CEP78: variants seen among roughly 807,000 people sequenced by gnomAD.
The protein encoded by CEP78 is centrosomal protein of 78 kDa.
Under a neutral mutation model 81.2 loss-of-function variants are expected in CEP78, and 76 were observed. The observed-to-expected ratio is 0.94, with a 90% CI of 0.78 to 1.13. The LOEUF (loss-of-function observed/expected upper bound fraction) is 1.13. Ranked by LOEUF, CEP78 falls within the 50% of genes most tolerant of loss-of-function variation. The pLI, the probability that CEP78 is intolerant of heterozygous loss-of-function variation, is 0.00. For missense variants in CEP78, 918 were observed against 846.8 expected (o/e 1.08, Z -1.04); for synonymous variants, 293 against 301.4 (o/e 0.97, Z 0.29).
intron 11 of CEP78, among the ~76,000 whole-genome samples, chr9:78,261,544 C>T (rs904715682): frequency 6.6e-6 from 1 of 152,146 alleles, no homozygotes. Context: ...GCATGAATTA[C>T]TCTTTAAAGG....
intron 9 of CEP78, among the ~76,000 whole-genome samples, chr9:78,252,628 AT>A (rs1262842360): frequency 6.6e-5 from 10 of 152,226 alleles, no homozygotes; most frequent in Admixed American, 6.5e-4. Flanking sequence ...TTATTTTCGA[AT>A]GACTGACTTT....
chr9:78,239,009 A>G (rs1826091871), intron 1 of CEP78, among the ~76,000 whole-genome samples: 1 of 151,948 alleles, frequency 6.6e-6, no homozygotes, highest in Non-Finnish European at 1.5e-5. Context: ...CCTACAAAAA[A>G]TAAAAAAACC....
intron 8 of CEP78, chr9:78,249,075 T>G (rs1320169483): frequency 4.0e-6 from 1 of 250,722 alleles, no homozygotes; most frequent in Non-Finnish European, 7.6e-6. Context: ...GGGATGCTAG[T>G]GCTTCCATTT....
Position 78,266,620 on chromosome 9 carries a change from C to A in CEP78, c.2024C>A (p.Ala675Glu), listed in dbSNP as rs763394651. ...AGAATGTGTTCTCCTTCACCAGATG[C>A]GACTTCTGGAACTGGAAGTCAAAGA... is the stretch of plus-strand genomic sequence containing the variant. ...IARMCSPSPD[A>E]TSGTGSQRKE... Residue 675 changes from alanine (A) to glutamate (E), a missense_variant, in exon 16 of 17, where the codon GCG becomes GAG. Transcript: ENST00000643273. The A allele has an allele frequency of 6.2e-7, 1 of 1,612,720 alleles. No homozygotes were observed.
chr9:78,249,956 G>A (rs946567192), intron 8 of CEP78: 17 of 250,402 alleles, frequency 6.8e-5, no homozygotes, highest in African/African-American at 3.8e-4. Context: ...TCTTTTATTT[G>A]GATGCTACTT....
At chr9:78,256,524 ATTTTT>A (rs35059009) in intron 11 of CEP78, among the ~76,000 whole-genome samples, 2 of 76,684 alleles carry the variant, frequency 2.6e-5, no homozygotes, top group South Asian at 4.8e-4. Flanking sequence ...CTGCTCCCTT[ATTTTT>A]TTTTTTTTTT....
rs997329162 is a variant in CEP78, at chr9:78,266,996, C to T, written c.2107+293C>T. ...AAGAAAGCATCCATTCTCTATCACA[C>T]CTTTCATATGACTAAATCTTTTGAA... On this transcript the variant is annotated intron_variant, in intron 16 of 16. Coordinates refer to ENST00000643273, the MANE Select transcript of CEP78 (RefSeq NM_001330691.3). 10 of 1,368,094 alleles carry T rather than the reference C, an allele frequency of 7.3e-6. No homozygotes were observed. The East Asian group carries it at 2.9e-4, about 40-fold the overall frequency. 84.7% of individuals were successfully genotyped at this position (1,368,094 alleles called of 1,614,324 possible).
In CEP78 at chr9:78,236,598, A is replaced by G; in HGVS notation, c.248A>G (p.Asp83Gly). Residue 83 changes from aspartate to glycine, a missense_variant, in exon 1 of 17, where the codon GAC (aspartate) becomes GGC (glycine). Asp to Gly is a moderately conservative substitution (Grantham distance 94). Coordinates refer to ENST00000643273, the MANE Select transcript of CEP78 (RefSeq NM_001330691.3). ...AGCTTCTTCCAGCCCTGGCTGGGGG[A>G]CACAGGTTTGTAGTTCCCGCCTCCA... is the stretch of plus-strand genomic sequence containing the variant. ...IKSFFQPWLG[D>G]TGSDMNKFCR... The G allele has an allele frequency of 6.5e-7, 1 of 1,537,846 alleles. No homozygotes were observed. The highest frequency in any genetic ancestry group is 8.7e-7 in the Non-Finnish European group (1 of 1,144,222).
chr9:78,264,459 A>G (rs1302783246), intron 13 of CEP78, 143 bp downstream of exon 13: 18 of 607,018 alleles, frequency 3.0e-5, no homozygotes, highest in Non-Finnish European at 5.3e-6. Flanking sequence ...TAAATGTGGA[A>G]TTAATTTTAA....
Position 78,236,144 on chromosome 9 carries a change from A to C in CEP78, c.-207A>C. 1.8e-6 allele frequency: 1 copy of C among 553,872 alleles called. No individual in the cohort carries two copies. Among genetic ancestry groups the C allele is most frequent in the South Asian group, 2.2e-5 (1 of 45,672 alleles). The allele number at this position is 553,872 out of a possible 1,614,324, so 34.3% of individuals were successfully genotyped here. ...CTGCTTGGGCCGCAGGGCGGGAGGCAGCGCGGGAGTGGGGCGTTGAGGGGC... is the reference window on the plus strand; with the variant it reads ...CTGCTTGGGCCGCAGGGCGGGAGGCCGCGCGGGAGTGGGGCGTTGAGGGGC... On this transcript the variant is annotated 5_prime_UTR_variant, in exon 1 of 17. Transcript: ENST00000643273.
Position 78,266,508 on chromosome 9 carries a change from A to T in CEP78, c.1912A>T (p.Thr638Ser). ...CGACTCCTTTCCTGTCCCAGTTTCT[A>T]CTCCAGAGGGCTTAGGAACTTCCAG... ...PLDSFPVPVSTPEGLGTSSNN... is the reference protein window; with the variant it reads ...PLDSFPVPVSSPEGLGTSSNN... The change falls in exon 16 of 17, where the codon ACT becomes TCT. Residue 638 changes from threonine to serine, a missense_variant. Thr to Ser is a moderately conservative substitution (Grantham distance 58, BLOSUM62 1). Transcript: ENST00000643273. 6.2e-7 allele frequency: 1 copy of T among 1,613,536 alleles called. No homozygotes were observed. The highest frequency in any genetic ancestry group is 8.5e-7 in the Non-Finnish European group (1 of 1,179,646).
At chr9:78,245,216 A>G in intron 5 of CEP78, among the ~76,000 whole-genome samples, 1 of 151,984 alleles carries the variant, frequency 6.6e-6, no homozygotes, top group South Asian at 2.1e-4. Context: ...TAACTCCATT[A>G]TAGAAGCATA....
intron 6 of CEP78, 26 bp downstream of exon 6, chr9:78,246,808 GACTA>G (rs1224178597): frequency 7.8e-7 from 1 of 1,289,970 alleles, no homozygotes; most frequent in African/African-American, 1.5e-5. Context: ...ATTTTTTATT[GACTA>G]ACAAATAGCA....
Position 78,236,232 on chromosome 9 carries a change from C to G in CEP78, c.-119C>G. ...CGAATCACCGCTCCTGAGCCCGGTG[C>G]GGGGCTGCCGCTATCGCCTGGCCGT... On this transcript the variant is annotated 5_prime_UTR_variant, in exon 1 of 17. Coordinates refer to ENST00000643273, the MANE Select transcript of CEP78 (RefSeq NM_001330691.3). The G allele has an allele frequency of 1.1e-6, 1 of 870,312 alleles. No homozygotes were observed. Among genetic ancestry groups the G allele is most frequent in the African/African-American group, 1.8e-5 (1 of 56,678 alleles). 53.9% of individuals were successfully genotyped at this position (870,312 alleles called of 1,614,324 possible). A position where few individuals can be genotyped will look rare whatever the true frequency, so the allele number is the denominator to read the frequency against.
intron 1 of CEP78, among the ~76,000 whole-genome samples, chr9:78,238,711 G>GT (rs1349342615): frequency 6.6e-6 from 1 of 152,084 alleles, no homozygotes; most frequent in Non-Finnish European, 1.5e-5. Context: ...TCTCATTCAG[G>GT]TGCAGGAACT....
chr9:78,238,038 T>C lies in CEP78; in HGVS notation c.253+1435T>C, dbSNP rs1315625937. On this transcript the variant is annotated intron_variant, in intron 1 of 16. Coordinates refer to ENST00000643273, the MANE Select transcript of CEP78 (RefSeq NM_001330691.3). ...TACTTGGGAGGCTGAGGCACGAGAG[T>C]TGCTTGAACCCAGAAGGTGGAGGTC... 1.2e-4 allele frequency among the ~76,000 whole-genome samples: 17 copies of C among 146,392 alleles called. No individual in the cohort carries two copies. In the East Asian group the frequency reaches 3.4e-3, roughly 29 times the overall value.
At chr9:78,269,009 C>G (rs7037457) in intron 16 of CEP78, among the ~76,000 whole-genome samples, 385 of 152,248 alleles carry the variant, frequency 2.5e-3, no homozygotes, top group African/African-American at 9.0e-3. Flanking sequence ...AATGTTCATT[C>G]TGAGTCTTCA....
Position 78,272,814 on chromosome 9 carries a change from C to T in CEP78, c.*1963C>T, listed in dbSNP as rs1827721987. 6.6e-6 allele frequency: 1 copy of T among 152,168 alleles called. No individual in the cohort carries two copies. Among genetic ancestry groups the T allele is most frequent in the Admixed American group, 6.5e-5 (1 of 15,274 alleles). The allele number at this position is 152,168 out of a possible 1,614,324, so 9.4% of individuals were successfully genotyped here. ...TCTGGAAGCGAGGCTGGTGGAACGT[C>T]ACTATTTGGAACATTGCTGGTTGCA... On this transcript the variant is annotated 3_prime_UTR_variant, in exon 17 of 17. Transcript: ENST00000643273.
intron 11 of CEP78, among the ~76,000 whole-genome samples, chr9:78,261,823 A>G (rs927922615): frequency 1.3e-5 from 2 of 152,158 alleles, no homozygotes; most frequent in African/African-American, 4.8e-5. Flanking sequence ...CCTTTTTCCC[A>G]TAAAAACTTG....
Sources: gnomAD v4.1 joint callset for allele counts (sites outside exome capture counted in the v4.1 genomes callset) on GRCh38, gnomAD v4.1.1 for gene constraint, MANE v1.5 for transcripts, NCBI Gene and HGNC (gene_info 2026-07-23, HGNC 2026-07-21) for gene names.